The following LDHC variants were observed in gnomAD, a reference collection of about 807,000 sequenced individuals.
The protein encoded by LDHC is lactate dehydrogenase C, also known as L-lactate dehydrogenase C chain.
LDHC carries 20 observed loss-of-function variants against 30.2 expected under a neutral mutation model. That is an observed-to-expected ratio of 0.66 (90% CI 0.47 to 0.96). The LOEUF is 0.96. Among genes scored for constraint, LDHC ranks in the 40% least tolerant of loss-of-function variants. The probability of loss-of-function intolerance (pLI) is 0.00; values close to 1 mark genes in which losing one functional copy is unlikely to be tolerated. For missense variants in LDHC, 362 were observed against 394.9 expected (o/e 0.92, Z 0.71); for synonymous variants, 139 against 132.7 (o/e 1.05, Z -0.32).
intron 4 of LDHC, among the ~76,000 whole-genome samples, chr11:18,431,234 G>A (rs1848260056): frequency 6.6e-6 from 1 of 152,088 alleles, no homozygotes; most frequent in South Asian, 2.1e-4. Flanking sequence ...CCTAAGGCAG[G>A]TGGATCACCT....
intron 3 of LDHC, among the ~76,000 whole-genome samples, chr11:18,420,641 TAAAAAAA>T (rs11321502): frequency 1.4e-5 from 1 of 72,354 alleles, no homozygotes; most frequent in Non-Finnish European, 2.5e-5. Flanking sequence ...TCTTGTCTCT[TAAAAAAA>T]AAAAAAAAAA....
Position 18,451,068 on chromosome 11 carries a change from G to T in LDHC, c.940G>T (p.Ala314Ser), listed in dbSNP as rs534491896. Residue 314 changes from alanine (A) to serine (S), a missense_variant, in exon 8 of 8, where the codon GCC becomes TCC. Coordinates refer to ENST00000541669, the MANE Select transcript of LDHC (RefSeq NM_017448.5). ...AATTAACTTGAATTCTGAGGAGGAG[G>T]CCCTTTTCAAGAAGAGTGCAGAAAC... The part of the protein sequence containing the change: ...VKINLNSEEE[A>S]LFKKSAETLW... The T allele has an allele frequency of 1.0e-5, 16 of 1,582,420 alleles. No individual in the cohort carries two copies. The East Asian group carries it at 3.7e-4, about 37-fold the overall frequency.
intron 3 of LDHC, among the ~76,000 whole-genome samples, chr11:18,420,092 T>TAAAACA (rs368969034): frequency 7.4e-5 from 11 of 148,802 alleles, no homozygotes; most frequent in African/African-American, 1.3e-4. Flanking sequence ...GACTCCGTCT[T>TAAAACA]AGAACAACAA....
At chr11:18,436,481 G>GAC (rs762530928) in intron 5 of LDHC, among the ~76,000 whole-genome samples, 5 of 108,202 alleles carry the variant, frequency 4.6e-5, no homozygotes, top group African/African-American at 1.8e-4. Context: ...ATAATACAAA[G>GAC]TTTTTTTTTT....
intron 6 of LDHC, among the ~76,000 whole-genome samples, chr11:18,442,080 T>C (rs1326990514): frequency 6.6e-6 from 1 of 150,996 alleles, no homozygotes; most frequent in Non-Finnish European, 1.5e-5. Context: ...TGTTTTTTTT[T>C]AACTGCAAAA....
intron 3 of LDHC, among the ~76,000 whole-genome samples, chr11:18,419,161 C>T (rs144286191): frequency 2.0e-4 from 30 of 152,264 alleles, no homozygotes; most frequent in African/African-American, 6.7e-4. Context: ...TTAGGCTTTT[C>T]CAGCTATGTA....
chr11:18,446,714 C>T, intron 7 of LDHC, among the ~76,000 whole-genome samples: 1 of 152,190 alleles, frequency 6.6e-6, no homozygotes, highest in East Asian at 1.9e-4. Flanking sequence ...TCTCTTGGCT[C>T]ATCTTTTTCC....
intron 7 of LDHC, among the ~76,000 whole-genome samples, chr11:18,447,798 C>G (rs2133848414): frequency 6.6e-6 from 1 of 152,124 alleles, no homozygotes; most frequent in East Asian, 1.9e-4. Flanking sequence ...GCCTGTAATC[C>G]CAGTACTTTG....
chr11:18,413,558 G>A (rs1009202458), intron 2 of LDHC, among the ~76,000 whole-genome samples: 3 of 150,124 alleles, frequency 2.0e-5, no homozygotes, highest in African/African-American at 7.4e-5. Flanking sequence ...TGCCTCCCGG[G>A]TTCAAGCAGT....
chr11:18,446,482 C>A, intron 7 of LDHC, 149 bp downstream of exon 7: 2 of 613,074 alleles, frequency 3.3e-6, no homozygotes, highest in South Asian at 1.9e-5. Flanking sequence ...CAAAAAAATA[C>A]AGATACCTTG....
In LDHC at chr11:18,412,781, A is replaced by T; in HGVS notation, c.64A>T (p.Lys22Ter). The T allele has an allele frequency of 6.2e-7, 1 of 1,613,998 alleles. No individual in the cohort carries two copies. Among genetic ancestry groups the T allele is most frequent in the Non-Finnish European group, 8.5e-7 (1 of 1,179,840 alleles). ...TGAGGATGATGAAAACTCCCAGTGT[A>T]AAATTACTATTGTTGGAACTGGTGC... ...LIEDDENSQC[K>*]ITIVGTGAVG... Residue 22 changes from lysine (K) to a stop codon, truncating the protein, a stop_gained, in exon 2 of 8, where the codon AAA becomes TAA. Transcript: ENST00000541669. LOFTEE classifies it high-confidence loss of function.
chr11:18,429,047 A>G (rs572722163), intron 3 of LDHC, among the ~76,000 whole-genome samples: 1 of 151,874 alleles, frequency 6.6e-6, no homozygotes, highest in South Asian at 2.1e-4. Context: ...AGAAGTAAAT[A>G]CATTCTCACT....
chr11:18,420,092 T>TAAA (rs368969034), intron 3 of LDHC, among the ~76,000 whole-genome samples: 18,934 of 148,824 alleles, frequency 0.13, 1,627 homozygotes, highest in African/African-American at 0.26. Context: ...GACTCCGTCT[T>TAAA]AGAACAACAA....
intron 4 of LDHC, among the ~76,000 whole-genome samples, chr11:18,432,621 T>A (rs1445792600): frequency 6.6e-6 from 1 of 152,204 alleles, no homozygotes; most frequent in African/African-American, 2.4e-5. Context: ...TATTAGTAAA[T>A]GTTTTATAAA....
chr11:18,446,369 C>G, intron 7 of LDHC, 36 bp downstream of exon 7: 1 of 1,474,132 alleles, frequency 6.8e-7, no homozygotes, highest in Admixed American at 1.7e-5. Context: ...ATCATTCTTT[C>G]CTTTAATATT....
intron 6 of LDHC, among the ~76,000 whole-genome samples, chr11:18,438,978 T>C (rs2133839898): frequency 6.6e-6 from 1 of 152,310 alleles, no homozygotes; most frequent in African/African-American, 2.4e-5. Context: ...ATATCAGAAG[T>C]TGTTTACTTA....
At chr11:18,434,330 T>G (rs1565053117) in intron 4 of LDHC, among the ~76,000 whole-genome samples, 1 of 152,112 alleles carries the variant, frequency 6.6e-6, no homozygotes, top group African/African-American at 2.4e-5. Flanking sequence ...GATTTCTTCT[T>G]GGTTTGGATC....
At chr11:18,427,092 T>C (rs796091895) in intron 3 of LDHC, among the ~76,000 whole-genome samples, 23 of 152,320 alleles carry the variant, frequency 1.5e-4, no homozygotes, top group African/African-American at 5.5e-4. Flanking sequence ...GCGTGGTAGC[T>C]GATGCCTATA....
At position 18,446,321 on chromosome 11, in the gene LDHC, C is replaced by T. The variant is rs1262031943; in HGVS notation, c.822C>T (p.Ser274=). The change falls in exon 7 of 8, where the codon TCC becomes TCT. Residue 274 remains serine, a synonymous_variant. Coordinates refer to ENST00000541669, the MANE Select transcript of LDHC (RefSeq NM_017448.5). ...LKNLRRVHPV[S]TMVKGLYGIK... ...ATCTTAGGAGAGTGCACCCAGTTTC[C>T]ACCATGGTTAAGGTAGGCTTAAATT... The T allele has an allele frequency of 6.2e-7, 1 of 1,605,408 alleles. No individual in the cohort carries two copies.
Sources: gnomAD v4.1 joint callset for allele counts (sites outside exome capture counted in the v4.1 genomes callset) on GRCh38, gnomAD v4.1.1 for gene constraint, MANE v1.5 for transcripts, NCBI Gene and HGNC (gene_info 2026-07-23, HGNC 2026-07-21) for gene names.